SGMS1: variants seen among roughly 807,000 people sequenced by gnomAD.
The protein encoded by SGMS1 is sphingomyelin synthase 1, also known as phosphatidylcholine:ceramide cholinephosphotransferase 1.
In SGMS1, 13 loss-of-function variants were observed where a neutral mutation model predicts 46.2. The observed-to-expected ratio is 0.28, with a 90% confidence interval of 0.18 to 0.45. The LOEUF (loss-of-function observed/expected upper bound fraction) is 0.45, where lower values mean the gene tolerates loss of function less well. Ranked by LOEUF, SGMS1 falls within the 20% of genes least tolerant of loss-of-function variation. The probability of loss-of-function intolerance (pLI) is 1.00; values close to 1 mark genes in which losing one functional copy is unlikely to be tolerated. For missense variants in SGMS1, 324 were observed against 519.9 expected, an observed-to-expected ratio of 0.62 and a Z score of 3.66; for synonymous variants, 203 against 187.8, an observed-to-expected ratio of 1.08 and a Z score of -0.66.
chr10:50,558,651 T>C (rs922927100), intron 2 of SGMS1, among the ~76,000 whole-genome samples: 3 of 152,168 alleles, frequency 2.0e-5, no homozygotes, highest in Non-Finnish European at 4.4e-5. Context: ...GGTCCACTTA[T>C]ACACAGATTT....
At chr10:50,604,009 A>G (rs1838672066) in intron 1 of SGMS1, among the ~76,000 whole-genome samples, 1 of 152,218 alleles carries the variant, frequency 6.6e-6, no homozygotes, top group South Asian at 2.1e-4. Flanking sequence ...TAGATCAGAA[A>G]ATGAGAAAAG....
chr10:50,571,525 A>T (rs1481746508), intron 2 of SGMS1, among the ~76,000 whole-genome samples: 1 of 152,216 alleles, frequency 6.6e-6, no homozygotes, highest in Non-Finnish European at 1.5e-5. Context: ...GTGGCACCAC[A>T]TAGTGTCCAG....
chr10:50,470,734 A>G (rs1336396367), intron 3 of SGMS1, among the ~76,000 whole-genome samples: 4 of 152,166 alleles, frequency 2.6e-5, no homozygotes, highest in Non-Finnish European at 4.4e-5. Flanking sequence ...GCCTCAATTT[A>G]CAGCCAAGCA....
chr10:50,488,548 G>C (rs1837541983), intron 3 of SGMS1, among the ~76,000 whole-genome samples: 1 of 152,112 alleles, frequency 6.6e-6, no homozygotes, highest in East Asian at 1.9e-4. Context: ...AAAAGTCAAA[G>C]AAACATAACA....
intron 5 of SGMS1, among the ~76,000 whole-genome samples, chr10:50,435,959 G>A (rs1179647915): frequency 2.0e-5 from 3 of 152,168 alleles, no homozygotes. Flanking sequence ...ATGTTCACAA[G>A]AACACGTGTG....
At chr10:50,481,124 C>T (rs1480402157) in intron 3 of SGMS1, among the ~76,000 whole-genome samples, 3 of 152,226 alleles carry the variant, frequency 2.0e-5, no homozygotes, top group African/African-American at 4.8e-5. Context: ...GGATGGAGTC[C>T]GAGCAGTCTG....
chr10:50,513,154 CA>C (rs1414752654), intron 3 of SGMS1, among the ~76,000 whole-genome samples: 1 of 152,192 alleles, frequency 6.6e-6, no homozygotes, highest in Admixed American at 6.5e-5. Context: ...GTTTCAGTTA[CA>C]CCAATTGCTT....
At chr10:50,433,105 C>T (rs188912355) in intron 6 of SGMS1, among the ~76,000 whole-genome samples, 24 of 152,198 alleles carry the variant, frequency 1.6e-4, no homozygotes, top group Non-Finnish European at 2.5e-4. Flanking sequence ...GAAAAAAATA[C>T]GTGAGTGAGA....
chr10:50,413,668 C>T (rs377683312), intron 6 of SGMS1, among the ~76,000 whole-genome samples: 36 of 152,220 alleles, frequency 2.4e-4, no homozygotes, highest in African/African-American at 5.8e-4. Context: ...CAATCAAAAA[C>T]GTGTCCAAAT....
At chr10:50,597,592 T>G (rs1224293036) in intron 1 of SGMS1, among the ~76,000 whole-genome samples, 3 of 152,194 alleles carry the variant, frequency 2.0e-5, no homozygotes, top group Non-Finnish European at 2.9e-5. Flanking sequence ...AGATCAGTAT[T>G]GCCAGGAGTT....
chr10:50,519,548 ACT>A (rs1837839217), intron 3 of SGMS1, among the ~76,000 whole-genome samples: 1 of 152,100 alleles, frequency 6.6e-6, no homozygotes. Flanking sequence ...TCAGGCTGAC[ACT>A]CTTTCCTGTG....
At chr10:50,428,142 G>A (rs1453171333) in intron 6 of SGMS1, among the ~76,000 whole-genome samples, 1 of 152,092 alleles carries the variant, frequency 6.6e-6, no homozygotes, top group African/African-American at 2.4e-5. Context: ...ACAATGGAGT[G>A]AGGCTTAATA....
chr10:50,566,937 T>TGTTGTTGTTGTC (rs1465491650), intron 2 of SGMS1, among the ~76,000 whole-genome samples: 185 of 152,230 alleles, frequency 1.2e-3, no homozygotes, highest in African/African-American at 4.0e-3. Context: ...TTTGTTTTGT[T>TGTTGTTGTTGTC]GTTGTTGTTG....
At chr10:50,604,036 C>T (rs1029765360) in intron 1 of SGMS1, among the ~76,000 whole-genome samples, 2 of 152,068 alleles carry the variant, frequency 1.3e-5, no homozygotes, top group East Asian at 1.9e-4. Flanking sequence ...TTAATCTAAA[C>T]GTCAACATTT....
intron 6 of SGMS1, among the ~76,000 whole-genome samples, chr10:50,352,224 G>C (rs768071192): frequency 3.9e-5 from 6 of 152,162 alleles, no homozygotes; most frequent in Non-Finnish European, 7.3e-5. Context: ...CTGCTAAAAA[G>C]TGGACCCCCA....
rs905688601 is a variant in SGMS1 at position 50,380,468 on chromosome 10, C to T, written c.-231-36123G>A. Among the ~76,000 whole-genome samples the T allele has an allele frequency of 1.1e-4, 16 of 152,034 alleles. 1 individual carries two copies. The highest frequency in any genetic ancestry group is 2.2e-4 in the Non-Finnish European group (15 of 67,996). The stretch of plus-strand genomic sequence containing the variant: ...GAAGAATACAATCATAGGGATGGCG[C>T]TACCCAGGTCTGGAGTATGTTCCTA... On this transcript the variant is annotated intron_variant, in intron 6 of 10. Coordinates refer to ENST00000361781, the MANE Select transcript of SGMS1 (RefSeq NM_147156.4).
At chr10:50,604,896 C>T (rs913267004) in intron 1 of SGMS1, among the ~76,000 whole-genome samples, 3 of 152,178 alleles carry the variant, frequency 2.0e-5, no homozygotes, top group East Asian at 1.9e-4. Context: ...TCAGTAAACT[C>T]ACCGATAAGC....
At chr10:50,520,759 T>C (rs1837850686) in intron 2 of SGMS1, among the ~76,000 whole-genome samples, 1 of 152,200 alleles carries the variant, frequency 6.6e-6, no homozygotes, top group Non-Finnish European at 1.5e-5. Flanking sequence ...GACACTGCGA[T>C]AGGATTAATG....
intron 6 of SGMS1, among the ~76,000 whole-genome samples, chr10:50,395,861 CA>C (rs2133521766): frequency 6.6e-6 from 1 of 152,156 alleles, no homozygotes; most frequent in Non-Finnish European, 1.5e-5. Context: ...AGAAATGGCA[CA>C]AATCAGAGGA....
Sources: allele counts gnomAD v4.1 joint callset (sites outside exome capture counted in the v4.1 genomes callset), GRCh38; gene constraint gnomAD v4.1.1; transcripts MANE v1.5; gene names NCBI Gene and HGNC (gene_info 2026-07-23, HGNC 2026-07-21).